MGAM2: variants seen among roughly 807,000 people sequenced by gnomAD.
MGAM2 encodes the protein maltase-glucoamylase 2 (putative), also known as probable maltase-glucoamylase 2.
In MGAM2, 98 loss-of-function variants were observed where a neutral mutation model predicts 96.1. The observed-to-expected ratio is 1.02, with a 90% CI of 0.87 to 1.21. The LOEUF (loss-of-function observed/expected upper bound fraction) is 1.21. Ranked by LOEUF, MGAM2 falls within the 50% of genes most tolerant of loss-of-function variation. MGAM2 has a pLI of 0.00. For synonymous variants in MGAM2, 749 were observed against 414.8 expected (o/e 1.81, Z -9.79); for missense variants, 2,055 against 1,182.4 (o/e 1.74, Z -10.82).
intron 14 of MGAM2, among the ~76,000 whole-genome samples, chr7:142,146,549 G>T: frequency 6.6e-6 from 1 of 152,106 alleles, no homozygotes; most frequent in East Asian, 1.9e-4. Flanking sequence ...GTATGGGCAA[G>T]ACTTTGTGAA....
At chr7:142,138,087 T>C (rs1485178900) in intron 9 of MGAM2, among the ~76,000 whole-genome samples, 1 of 152,160 alleles carries the variant, frequency 6.6e-6, no homozygotes, top group Non-Finnish European at 1.5e-5. Context: ...TGGTGGCGTG[T>C]GCCTGTAATC....
intron 46 of MGAM2, among the ~76,000 whole-genome samples, chr7:142,209,496 G>A (rs1471780396): frequency 6.6e-6 from 1 of 152,174 alleles, no homozygotes; most frequent in Non-Finnish European, 1.5e-5. Context: ...ATTTTAATTA[G>A]AGTATGAGGA....
intron 17 of MGAM2, among the ~76,000 whole-genome samples, chr7:142,157,700 A>G (rs1646246203): frequency 6.6e-6 from 1 of 152,140 alleles, no homozygotes; most frequent in Admixed American, 6.5e-5. Context: ...GATAGACACC[A>G]AATTTAAACT....
At position 142,131,395 on chromosome 7, in the gene MGAM2, G is replaced by A. The variant is rs115115792; in HGVS notation, c.311-123G>A. The A allele has an allele frequency of 5.6e-3, 3,486 of 622,376 alleles. 94 individuals are homozygous for A. The highest frequency in any genetic ancestry group is 0.055 in the African/African-American group (2,995 of 54,648). 38.6% of individuals were successfully genotyped at this position (622,376 alleles called of 1,614,324 possible). A position where few individuals can be genotyped will look rare whatever the true frequency, so the allele number is the denominator to read the frequency against. On this transcript the variant is annotated intron_variant, in intron 4 of 47. Transcript: ENST00000477922. The stretch of plus-strand genomic sequence containing the variant: ...GGAGGTTGCAGTGAGCCGAGATCAC[G>A]TCTTGCACTCCAGCCTGGGCCACAG...
intron 46 of MGAM2, among the ~76,000 whole-genome samples, chr7:142,211,393 C>T (rs1797578129): frequency 6.6e-6 from 1 of 152,128 alleles, no homozygotes; most frequent in Non-Finnish European, 1.5e-5. Context: ...ACAAGCTCCT[C>T]CGAGCTAAAG....
chr7:142,114,240 ACT>A, intron 1 of MGAM2, among the ~76,000 whole-genome samples: 1 of 148,732 alleles, frequency 6.7e-6, no homozygotes, highest in African/African-American at 2.5e-5. Context: ...GAAATAGGAG[ACT>A]ACAAAGAATA....
chr7:142,143,223 T>C (rs765643638), intron 12 of MGAM2, among the ~76,000 whole-genome samples: 1 of 152,226 alleles, frequency 6.6e-6, no homozygotes, highest in South Asian at 2.1e-4. Flanking sequence ...GTTATATCTT[T>C]GTTGTGGACA....
Position 142,221,223 on chromosome 7 carries a change from A to G in MGAM2, c.6712A>G (p.Thr2238Ala). Residue 2238 changes from threonine to alanine, a missense_variant, in exon 48 of 48, where the codon ACA becomes GCA. Coordinates refer to ENST00000477922, the MANE Select transcript of MGAM2 (RefSeq NM_001293626.2). Reference sequence around the variant, plus strand: ...TAGCACAAATAATGATGCTTCTATGACAAATTTTCTTTTAGCTACAATGTC... The same window carrying G: ...TAGCACAAATAATGATGCTTCTATGGCAAATTTTCTTTTAGCTACAATGTC... The part of the protein sequence containing the change: ...VASTNNDASM[T>A]NFLLATMSAG... The G allele has an allele frequency of 2.8e-6, 2 of 701,786 alleles. No individual in the cohort carries two copies. Among genetic ancestry groups the G allele is most frequent in the Non-Finnish European group, 5.2e-6 (2 of 384,328 alleles). 43.5% of individuals were successfully genotyped at this position (701,786 alleles called of 1,614,324 possible).
chr7:142,187,762 C>G lies in MGAM2; in HGVS notation c.4135C>G (p.Pro1379Ala). ...TAACTCATTTCAGGATATGAATGAG[C>G]CATCAAATTTTGTGGATGGATCTGT... ...FDGLWIDMNE[P>A]SNFVDGSVRG... The change falls in exon 36 of 48, where the codon CCA becomes GCA. Residue 1379 changes from proline to alanine, a missense_variant. Coordinates refer to ENST00000477922, the MANE Select transcript of MGAM2 (RefSeq NM_001293626.2). The G allele has an allele frequency of 1.4e-6, 1 of 702,678 alleles. No individual in the cohort carries two copies. 43.5% of individuals were successfully genotyped at this position (702,678 alleles called of 1,614,324 possible).
At chr7:142,115,205 C>CA (rs1328156458) in intron 1 of MGAM2, among the ~76,000 whole-genome samples, 6 of 151,834 alleles carry the variant, frequency 4.0e-5, no homozygotes, top group East Asian at 1.9e-4. Context: ...ACTCCGTCTG[C>CA]AAAAAAATAA....
chr7:142,188,853 A>AAGGTAGGTT (rs1280123851), intron 36 of MGAM2, among the ~76,000 whole-genome samples: 4 of 152,202 alleles, frequency 2.6e-5, no homozygotes, highest in Non-Finnish European at 5.9e-5. Context: ...GAGCACATTT[A>AAGGTAGGTT]AGGTAGGTTA....
At chr7:142,198,560 C>T (rs112879129) in intron 43 of MGAM2, 55 bp from the exon 44 acceptor site, 1 of 675,998 alleles carries the variant, frequency 1.5e-6, no homozygotes, top group South Asian at 1.6e-5. Context: ...TTAAAACATG[C>T]TCTCATTTAA....
rs1488805671 is a variant in MGAM2 at position 142,219,897 on chromosome 7, A to T, written c.5386A>T (p.Thr1796Ser). The T allele has an allele frequency of 1.4e-6, 1 of 701,874 alleles. No homozygotes were observed. The highest frequency in any genetic ancestry group is 1.7e-5 in the African/African-American group (1 of 57,232). 43.5% of individuals were successfully genotyped at this position (701,874 alleles called of 1,614,324 possible). A position where few individuals can be genotyped will look rare whatever the true frequency, so the allele number is the denominator to read the frequency against. ...ACTAACTATTCAATTGACTGACAAG[A>T]CTATCAACCTGGAAAAGTTAACTGA... is the stretch of plus-strand genomic sequence containing the variant. ...QILTIQLTDKTINLEKLTEVT... is the reference protein window; with the variant it reads ...QILTIQLTDKSINLEKLTEVT... Residue 1796 changes from threonine to serine, a missense_variant, in exon 48 of 48, where the codon ACT (threonine) becomes TCT (serine). Coordinates refer to ENST00000477922, the MANE Select transcript of MGAM2 (RefSeq NM_001293626.2).
chr7:142,221,860 G>A lies in MGAM2; in HGVS notation c.7349G>A (p.Gly2450Asp). Residue 2450 changes from glycine to aspartate, a missense_variant, in exon 48 of 48, where the codon GGT becomes GAT. By Grantham distance (94) the Gly-to-Asp change is moderately conservative (BLOSUM62 -1). Coordinates refer to ENST00000477922, the MANE Select transcript of MGAM2 (RefSeq NM_001293626.2). ...TTASVTITAT[G>D]LDSQTPHMVI... ...GCCTCAGTCACAATAACAGCCACTG[G>A]TCTAGATTCACAAACTCCCCATATG... 1 of 400,566 alleles carries A rather than the reference G, an allele frequency of 2.5e-6. No homozygotes were observed. The highest frequency in any genetic ancestry group is 4.4e-6 in the Non-Finnish European group (1 of 227,274). The allele number at this position is 400,566 out of a possible 1,614,324, so 24.8% of individuals were successfully genotyped here.
At chr7:142,160,294 G>A (rs975449768) in intron 21 of MGAM2, 36 bp downstream of exon 21, 1 of 653,868 alleles carries the variant, frequency 1.5e-6, no homozygotes, top group African/African-American at 1.8e-5. Flanking sequence ...TGACTATTCT[G>A]GTGCTCTAAT....
chr7:142,131,115 G>A (rs1794873305), intron 4 of MGAM2, 44 bp downstream of exon 4: 1 of 689,398 alleles, frequency 1.5e-6, no homozygotes, highest in Non-Finnish European at 2.7e-6. Flanking sequence ...ACTCCTTATG[G>A]CCCAGATACG....
intron 32 of MGAM2, 117 bp from the exon 33 acceptor site, chr7:142,183,149 A>C: frequency 1.7e-6 from 1 of 596,290 alleles, no homozygotes; most frequent in East Asian, 2.8e-5. Flanking sequence ...ATTTCATTTT[A>C]TTTTTGGTAT....
intron 45 of MGAM2, among the ~76,000 whole-genome samples, chr7:142,207,577 C>G (rs986074430): frequency 6.6e-6 from 1 of 152,018 alleles, no homozygotes; most frequent in Non-Finnish European, 1.5e-5. Flanking sequence ...AGGCGCCCAC[C>G]ACCACGCCCG....
rs77189403 is a variant in MGAM2 at position 142,134,146 on chromosome 7, C to G, written c.741C>G (p.Pro247=). The change falls in exon 7 of 48, where the codon CCC becomes CCG. Residue 247 remains proline (P), a synonymous_variant. Transcript: ENST00000477922. ...CCATCTTCACCCGGGACGCTACCCC[C>G]ACCGAGGTGAGGTGGCTTTCCTCCT... ...TWPIFTRDAT[P]TEGMINLYGA... The G allele has an allele frequency of 5.4e-6, 4 of 742,758 alleles. No homozygotes were observed. Among genetic ancestry groups the G allele is most frequent in the Non-Finnish European group, 9.8e-6 (4 of 406,238 alleles). 46.0% of individuals were successfully genotyped at this position (742,758 alleles called of 1,614,324 possible).
Sources: allele counts gnomAD v4.1 joint callset (sites outside exome capture counted in the v4.1 genomes callset), GRCh38; gene constraint gnomAD v4.1.1; transcripts MANE v1.5; gene names NCBI Gene and HGNC (gene_info 2026-07-23, HGNC 2026-07-21).